Variants in ABCB4 observed in about 807,000 individuals in gnomAD.
The protein encoded by ABCB4 is phosphatidylcholine translocator ABCB4.
In ABCB4, 76 loss-of-function variants were observed where a neutral mutation model predicts 145.7. The ratio of observed to expected loss-of-function variants is 0.52; its 90% CI spans 0.43 to 0.63. The LOEUF (loss-of-function observed/expected upper bound fraction) is 0.63, where lower values mean the gene tolerates loss of function less well. ABCB4 is among the 30% of genes least tolerant of loss of function. The pLI, the probability that ABCB4 is intolerant of heterozygous loss-of-function variation, is 0.00. For missense variants in ABCB4, 1,234 were observed against 1,553.1 expected, an observed-to-expected ratio of 0.79 and a Z score of 3.45; for synonymous variants, 517 against 566.8, an observed-to-expected ratio of 0.91 and a Z score of 1.25.
At chr7:87,413,391 G>A (rs753034001) in intron 22 of ABCB4, among the ~76,000 whole-genome samples, 20 of 152,112 alleles carry the variant, frequency 1.3e-4, no homozygotes, top group African/African-American at 2.9e-4. Flanking sequence ...TATCTTTTAC[G>A]TCTTGGAGAC....
Position 87,423,955 on chromosome 7 carries a change from T to C in ABCB4, c.2162A>G (p.Asn721Ser), listed in dbSNP as rs751353199. 9 of 1,614,094 alleles carry C rather than the reference T, an allele frequency of 5.6e-6. No individual in the cohort carries two copies. The highest frequency in any genetic ancestry group is 2.2e-5 in the South Asian group (2 of 91,074). ...FVVGTVCAIA[N>S]GGLQPAFSVI... Reference sequence around the variant, plus strand: ...TGAAAATGCCGGCTGAAGCCCCCCATTGGCAATGGCACATACTGTTCCCAC... The same window carrying C: ...TGAAAATGCCGGCTGAAGCCCCCCACTGGCAATGGCACATACTGTTCCCAC... The change falls in exon 17 of 28, where the codon AAT (asparagine) becomes AGT (serine). Residue 721 changes from asparagine to serine, a missense_variant. Asn to Ser is a conservative substitution (Grantham distance 46). Coordinates refer to ENST00000649586, the MANE Select transcript of ABCB4 (RefSeq NM_000443.4).
intron 8 of ABCB4, among the ~76,000 whole-genome samples, chr7:87,447,567 C>G (rs1032356314): frequency 6.6e-6 from 1 of 152,154 alleles, no homozygotes; most frequent in African/African-American, 2.4e-5. Context: ...CAAGCCAAAC[C>G]AGAATTGATT....
intron 21 of ABCB4, among the ~76,000 whole-genome samples, chr7:87,416,242 A>G (rs1808965725): frequency 6.6e-6 from 1 of 152,242 alleles, no homozygotes; most frequent in Non-Finnish European, 1.5e-5. Flanking sequence ...TTCACCAGAC[A>G]TAATTGGTTT....
chr7:87,426,997 C>G, intron 15 of ABCB4, 77 bp from the exon 16 acceptor site: 1 of 1,309,818 alleles, frequency 7.6e-7, no homozygotes, highest in South Asian at 1.2e-5. Flanking sequence ...ATGGATGTAA[C>G]CTCCAAGTTT....
intron 7 of ABCB4, 32 bp from the exon 8 acceptor site, chr7:87,450,124 T>C (rs1314891588): frequency 1.2e-6 from 2 of 1,613,044 alleles, no homozygotes; most frequent in East Asian, 4.5e-5. Flanking sequence ...ATCACTTTTG[T>C]ATAGGGAGAA....
chr7:87,369,511 A>C, the ABCB4 span: 2 of 1,493,786 alleles, frequency 1.3e-6, no homozygotes, highest in Non-Finnish European at 9.3e-7. Context: ...CTTGAGTTTC[A>C]TTAGGTCTTA....
intron 2 of ABCB4, 102 bp from the exon 3 acceptor site, chr7:87,472,777 C>A: frequency 5.8e-6 from 5 of 869,226 alleles, no homozygotes; most frequent in Non-Finnish European, 9.2e-6. Flanking sequence ...ATTATATTTT[C>A]AAATATAAGA....
chr7:87,411,972 A>G lies in ABCB4; in HGVS notation c.2845T>C (p.Tyr949His). ...ITFSISQAFM[Y>H]FSYAGCFRFG... ...CGAAAACAACCGGCATAGGAAAAAT[A>G]CATAAATGCTTGTGAGATACTAAAA... The change falls in exon 23 of 28, where the codon TAT (tyrosine) becomes CAT (histidine). Residue 949 changes from tyrosine (Y) to histidine (H), a missense_variant. Physicochemically the swap from Tyr to His is moderately conservative, Grantham distance 83. Transcript: ENST00000649586. 1 of 1,613,974 alleles carries G rather than the reference A, an allele frequency of 6.2e-7. No individual in the cohort carries two copies. Among genetic ancestry groups the G allele is most frequent in the Non-Finnish European group, 8.5e-7 (1 of 1,179,862 alleles).
the ABCB4 span, among the ~76,000 whole-genome samples, chr7:87,396,504 A>C: frequency 6.6e-6 from 1 of 152,170 alleles, no homozygotes; most frequent in South Asian, 2.1e-4. Flanking sequence ...ATTGAAACTA[A>C]AGCAAGTGGG....
chr7:87,392,948 C>A, the ABCB4 span: 1,032 of 1,613,496 alleles, frequency 6.4e-4, 10 homozygotes, highest in East Asian at 0.02. Context: ...TGCCACACAG[C>A]GGAGGAGGTG....
intron 4 of ABCB4, 134 bp from the exon 5 acceptor site, chr7:87,454,726 A>G: frequency 1.4e-6 from 1 of 722,212 alleles, no homozygotes; most frequent in Middle Eastern, 3.6e-4. Context: ...TCTTTAAAAA[A>G]CACTTTTCTT....
chr7:87,470,383 A>T (rs550639860), intron 3 of ABCB4, among the ~76,000 whole-genome samples: 68 of 152,344 alleles, frequency 4.5e-4, no homozygotes, highest in African/African-American at 1.6e-3. Context: ...GATCTAATTA[A>T]ACTAAAGAGC....
chr7:87,475,970 C>A (rs1441106660), upstream of ABCB4, among the ~76,000 whole-genome samples: 3 of 152,212 alleles, frequency 2.0e-5, no homozygotes, highest in Non-Finnish European at 4.4e-5. Flanking sequence ...GCTGGAGCCT[C>A]GGGTGCCGAG....
intron 12 of ABCB4, among the ~76,000 whole-genome samples, chr7:87,442,615 G>T (rs180671719): frequency 6.6e-6 from 1 of 151,634 alleles, no homozygotes; most frequent in Non-Finnish European, 1.5e-5. Context: ...TGAAGTATAA[G>T]GGTATACATA....
downstream of ABCB4, among the ~76,000 whole-genome samples, chr7:87,401,231 A>G (rs771780312): frequency 1.3e-5 from 2 of 152,238 alleles, no homozygotes; most frequent in Non-Finnish European, 2.9e-5. Flanking sequence ...TACTGAATTT[A>G]ACAACCTGAT....
chr7:87,385,007 C>T, the ABCB4 span, among the ~76,000 whole-genome samples: 2 of 151,918 alleles, frequency 1.3e-5, no homozygotes, highest in African/African-American at 2.4e-5. Flanking sequence ...CCTGTAAATA[C>T]ACGGATTTAT....
At position 87,402,150 on chromosome 7, in the gene ABCB4, C is replaced by T; in HGVS notation, c.3786G>A (p.Gln1262=). 6.2e-7 allele frequency: 1 copy of T among 1,614,086 alleles called. No homozygotes were observed. Residue 1262 remains glutamine, a synonymous_variant, in exon 28 of 28, where the codon CAG becomes CAA. Transcript: ENST00000649586. ...TGACCATTGAAAAATAGATGCCTTT[C>T]TGTGCCAGCAGCTGCTGATGCGTGC... ...EHGTHQQLLA[Q]KGIYFSMVSV...
At chr7:87,374,998 C>T in the ABCB4 span, among the ~76,000 whole-genome samples, 4 of 152,014 alleles carry the variant, frequency 2.6e-5, no homozygotes, top group Non-Finnish European at 5.9e-5. Flanking sequence ...AGTTATTTAT[C>T]TGCTGTATGT....
At position 87,462,781 on chromosome 7, in the gene ABCB4, G is replaced by T. The variant is rs1417236795; in HGVS notation, c.263C>A (p.Thr88Asn). The change falls in exon 4 of 28, where the codon ACT becomes AAT. Residue 88 changes from threonine (T) to asparagine (N), a missense_variant. By Grantham distance (65) the Thr-to-Asn change is moderately conservative. Around this residue, in one of 7 missense-constraint regions of ABCB4, gnomAD observed 467 missense variants for 632.8 expected, o/e 0.74. Coordinates refer to ENST00000649586, the MANE Select transcript of ABCB4 (RefSeq NM_000443.4). The stretch of plus-strand genomic sequence containing the variant: ...ACCTGGAAAGGAGAAGTTTCCTGCA[G>T]TATCAACAAATTTGTCAGTCATCTC... ...FGEMTDKFVD[T>N]AGNFSFPVNF... 2 of 1,613,834 alleles carry T rather than the reference G, an allele frequency of 1.2e-6. No homozygotes were observed. Among genetic ancestry groups the T allele is most frequent in the African/African-American group, 2.7e-5 (2 of 74,892 alleles).
Sources: gnomAD v4.1 joint callset for allele counts (sites outside exome capture counted in the v4.1 genomes callset) on GRCh38, gnomAD v4.1.1 for gene constraint, gnomAD v4.1.1 regional missense constraint, MANE v1.5 for transcripts, NCBI Gene and HGNC (gene_info 2026-07-23, HGNC 2026-07-21) for gene names.